HPF1: variants seen among roughly 807,000 people sequenced by gnomAD.
HPF1 encodes UPF0609 protein C4orf27.
In HPF1, 35 loss-of-function variants were observed where a neutral mutation model predicts 38.8. That is an observed-to-expected ratio of 0.90 (90% confidence interval 0.69 to 1.19). HPF1 has a LOEUF of 1.19. Among genes scored for constraint, HPF1 ranks in the 50% most tolerant of loss-of-function variants. The pLI is 0.00. For synonymous variants in HPF1, 115 were observed against 139.2 expected (o/e 0.83, Z 1.22); for missense variants, 367 against 405.8 (o/e 0.90, Z 0.82).
At chr4:169,738,420 T>C (rs965096608) in intron 5 of HPF1, among the ~76,000 whole-genome samples, 7 of 152,222 alleles carry the variant, frequency 4.6e-5, no homozygotes, top group Non-Finnish European at 1.5e-5. Flanking sequence ...ACATTATTTT[T>C]AGGTCTTTCC....
At chr4:169,743,266 C>T (rs563932383) in intron 4 of HPF1, among the ~76,000 whole-genome samples, 1 of 151,790 alleles carries the variant, frequency 6.6e-6, no homozygotes, top group African/African-American at 2.4e-5. Context: ...CATGCCACCA[C>T]GCCCAGCTAA....
At chr4:169,741,361 A>G (rs2150290713) in intron 5 of HPF1, among the ~76,000 whole-genome samples, 1 of 152,130 alleles carries the variant, frequency 6.6e-6, no homozygotes, top group South Asian at 2.1e-4. Context: ...TTTTTTCCCC[A>G]GAGGCCATAA....
At position 169,753,938 on chromosome 4, in the gene HPF1, T is replaced by A. The variant is rs28709199; in HGVS notation, c.49-103A>T. ...CACCCAACTCTATGAAATACATGTG[T>A]TTTCCTTAAAACTCTCTAAATGGTC... On this transcript the variant is annotated intron_variant, in intron 1 of 7. Transcript: ENST00000393381. The A allele has an allele frequency of 8.4e-4, 753 of 894,768 alleles. 8 individuals carry two copies. In the African/African-American group the frequency reaches 9.7e-3, roughly 11 times the overall value. The allele number at this position is 894,768 out of a possible 1,614,324, so 55.4% of individuals were successfully genotyped here. A position where few individuals can be genotyped will look rare whatever the true frequency, so the allele number is the denominator to read the frequency against.
In HPF1 at chr4:169,746,044, C is replaced by A. The variant is rs570975962; in HGVS notation, c.497+2700G>T. On this transcript the variant is annotated intron_variant, in intron 4 of 7. Transcript: ENST00000393381. ...AGGCAGAAGGAAAAAAAAAATCATT[C>A]CTTTGTTGTTCAAAGTTATTTAAGA... 9.9e-5 allele frequency among the ~76,000 whole-genome samples: 15 copies of A among 152,176 alleles called. 1 individual carries two copies. The highest frequency in any genetic ancestry group is 3.4e-4 in the African/African-American group (14 of 41,502).
At chr4:169,742,619 C>T (rs907563490) in intron 4 of HPF1, among the ~76,000 whole-genome samples, 23 of 152,030 alleles carry the variant, frequency 1.5e-4, no homozygotes, top group African/African-American at 2.9e-4. Flanking sequence ...GGTGAAACCC[C>T]GTCTCTACTA....
intron 5 of HPF1, among the ~76,000 whole-genome samples, chr4:169,738,497 G>T (rs1393187496): frequency 1.3e-5 from 2 of 152,166 alleles, no homozygotes; most frequent in African/African-American, 4.8e-5. Flanking sequence ...CCAAGGCAGA[G>T]GAAGGACACA....
chr4:169,755,779 G>T (rs1734181551), intron 1 of HPF1, among the ~76,000 whole-genome samples: 1 of 152,188 alleles, frequency 6.6e-6, no homozygotes, highest in African/African-American at 2.4e-5. Context: ...AAAAGGCAAG[G>T]GAAAACAAAA....
chr4:169,753,729 T>C lies in HPF1; in HGVS notation c.155A>G (p.Asp52Gly). Residue 52 changes from aspartate to glycine, a missense_variant, in exon 2 of 8, where the codon GAT becomes GGT. Coordinates refer to ENST00000393381, the MANE Select transcript of HPF1 (RefSeq NM_017867.3). ...ACAGAACTTCCAGAAGTGATAGAAA[T>C]CTTCAGGTAAAGAAAGCTTATAATG... is the stretch of plus-strand genomic sequence containing the variant. ...ENHYKLSLPEDFYHFWKFCEE... is the reference protein window; with the variant it reads ...ENHYKLSLPEGFYHFWKFCEE... The C allele has an allele frequency of 6.2e-7, 1 of 1,612,980 alleles. No individual in the cohort carries two copies. Among genetic ancestry groups the C allele is most frequent in the Non-Finnish European group, 8.5e-7 (1 of 1,179,584 alleles).
intron 4 of HPF1, among the ~76,000 whole-genome samples, chr4:169,742,675 C>T (rs983078900): frequency 6.6e-6 from 1 of 152,146 alleles, no homozygotes; most frequent in Non-Finnish European, 1.5e-5. Context: ...GCCTGTAGTC[C>T]CAGCTACTTG....
intron 6 of HPF1, among the ~76,000 whole-genome samples, chr4:169,736,414 A>G (rs1733895859): frequency 6.6e-6 from 1 of 151,576 alleles, no homozygotes; most frequent in Non-Finnish European, 1.5e-5. Context: ...ATTTTGTTGC[A>G]GGAGCCACCT....
At chr4:169,751,658 C>T (rs1277003873) in intron 2 of HPF1, among the ~76,000 whole-genome samples, 1 of 152,038 alleles carries the variant, frequency 6.6e-6, no homozygotes, top group Non-Finnish European at 1.5e-5. Context: ...GCACCCCAGA[C>T]AGGACCCAGT....
intron 6 of HPF1, among the ~76,000 whole-genome samples, chr4:169,736,899 G>A (rs1386008855): frequency 2.6e-5 from 4 of 152,260 alleles, no homozygotes; most frequent in African/African-American, 9.6e-5. Context: ...TAGATTATGC[G>A]CAGTGGTCCA....
intron 4 of HPF1, among the ~76,000 whole-genome samples, chr4:169,746,514 A>G (rs879844353): frequency 6.6e-5 from 10 of 152,160 alleles, no homozygotes; most frequent in African/African-American, 2.2e-4. Context: ...GGTTATTACC[A>G]TTCTTTAACC....
intron 2 of HPF1, among the ~76,000 whole-genome samples, chr4:169,751,339 G>C (rs1343043546): frequency 6.7e-6 from 1 of 149,854 alleles, no homozygotes; most frequent in Non-Finnish European, 1.5e-5. Flanking sequence ...GGAGGTGGAG[G>C]TTGCAGTGAA....
intron 4 of HPF1, among the ~76,000 whole-genome samples, chr4:169,748,237 G>A (rs1227440305): frequency 1.3e-5 from 2 of 152,142 alleles, no homozygotes; most frequent in Non-Finnish European, 2.9e-5. Flanking sequence ...TATTATTTTC[G>A]TTAAGTAAAA....
At chr4:169,749,933 A>G (rs1236236932) in intron 3 of HPF1, among the ~76,000 whole-genome samples, 1 of 152,048 alleles carries the variant, frequency 6.6e-6, no homozygotes, top group Non-Finnish European at 1.5e-5. Flanking sequence ...GTACTACAAC[A>G]CTTCTTCCTG....
At chr4:169,741,795 T>A (rs1221236324) in intron 5 of HPF1, among the ~76,000 whole-genome samples, 162 bp downstream of exon 5, 2 of 152,116 alleles carry the variant, frequency 1.3e-5, no homozygotes, top group African/African-American at 4.8e-5. Flanking sequence ...CCTGTTTCAG[T>A]GCCATCCTCT....
At chr4:169,736,522 G>A (rs1733897118) in intron 6 of HPF1, among the ~76,000 whole-genome samples, 2 of 152,074 alleles carry the variant, frequency 1.3e-5, no homozygotes, top group African/African-American at 2.4e-5. Flanking sequence ...AAACAGGTCC[G>A]TATGAGTAGC....
intron 5 of HPF1, among the ~76,000 whole-genome samples, chr4:169,739,432 A>T (rs1243894518): frequency 6.6e-6 from 1 of 152,154 alleles, no homozygotes. Context: ...CAGTTAAAAA[A>T]AAAATACAAT....
Sources: allele counts gnomAD v4.1 joint callset (sites outside exome capture counted in the v4.1 genomes callset), GRCh38; gene constraint gnomAD v4.1.1; transcripts MANE v1.5; gene names NCBI Gene and HGNC (gene_info 2026-07-23, HGNC 2026-07-21).